The following LRRTM4 variants were observed in gnomAD, a reference collection of about 807,000 sequenced individuals.
The protein encoded by LRRTM4 is leucine rich repeat transmembrane neuronal 4.
Under a neutral mutation model 47.6 loss-of-function variants are expected in LRRTM4, and 25 were observed. The observed-to-expected ratio is 0.53, with a 90% CI of 0.38 to 0.73. LRRTM4 has a LOEUF of 0.73. Ranked by LOEUF, LRRTM4 falls within the 30% of genes least tolerant of loss-of-function variation. LRRTM4 has a pLI of 0.00. For missense variants in LRRTM4, 638 were observed against 713.4 expected (o/e 0.89, Z 1.20); for synonymous variants, 311 against 269.5 (o/e 1.15, Z -1.51).
intron 3 of LRRTM4, among the ~76,000 whole-genome samples, chr2:76,758,068 T>C (rs756687639): frequency 3.3e-5 from 5 of 152,176 alleles, no homozygotes; most frequent in Non-Finnish European, 7.4e-5. Context: ...TATGAATTTG[T>C]GTAGTCTTCA....
At chr2:77,004,355 G>T (rs1319280780) in intron 3 of LRRTM4, among the ~76,000 whole-genome samples, 1 of 152,192 alleles carries the variant, frequency 6.6e-6, no homozygotes, top group Non-Finnish European at 1.5e-5. Context: ...TCTAGTCATG[G>T]CTAAAAGAGA....
chr2:76,936,276 A>T (rs1218754885), intron 3 of LRRTM4, among the ~76,000 whole-genome samples: 4 of 152,150 alleles, frequency 2.6e-5, no homozygotes, highest in Non-Finnish European at 5.9e-5. Flanking sequence ...GGACAAGTTC[A>T]TGGCCTTTTC....
At chr2:76,905,405 CAG>C (rs1673793242) in intron 3 of LRRTM4, among the ~76,000 whole-genome samples, 1 of 152,150 alleles carries the variant, frequency 6.6e-6, no homozygotes, top group South Asian at 2.1e-4. Context: ...GGGGAAAAAA[CAG>C]AGCAGAAATA....
intron 3 of LRRTM4, among the ~76,000 whole-genome samples, chr2:77,126,345 T>C (rs1671652297): frequency 6.6e-6 from 1 of 152,136 alleles, no homozygotes; most frequent in African/African-American, 2.4e-5. Flanking sequence ...TAAAGAAATA[T>C]ATACAGGAAT....
chr2:77,250,873 G>A (rs1431235823), intron 3 of LRRTM4, among the ~76,000 whole-genome samples: 1 of 152,134 alleles, frequency 6.6e-6, no homozygotes, highest in African/African-American at 2.4e-5. Flanking sequence ...GGAGGCTGAG[G>A]AGGGCAGATC....
In LRRTM4 at chr2:77,520,000, G is replaced by A. The variant is rs543050255; in HGVS notation, c.5-136C>T. 4.7e-5 allele frequency: 65 copies of A among 1,376,380 alleles called. 1 individual carries two copies. The African/African-American group carries it at 7.6e-4, about 16-fold the overall frequency. 85.3% of individuals were successfully genotyped at this position (1,376,380 alleles called of 1,614,324 possible). A position where few individuals can be genotyped will look rare whatever the true frequency, so the allele number is the denominator to read the frequency against. ...TTTAAGGAAAATGCATTAACATTTCGAGCATTATTTTCTTCAGTGTTGCAT... is the reference window on the plus strand; with the variant it reads ...TTTAAGGAAAATGCATTAACATTTCAAGCATTATTTTCTTCAGTGTTGCAT... On this transcript the variant is annotated intron_variant, in intron 2 of 3. Coordinates refer to ENST00000409884, the MANE Select transcript of LRRTM4 (RefSeq NM_001134745.3). This position sits in a 1 kb window ranked among gnomAD's most constrained non-coding sequence, Gnocchi z 4.6.
intron 3 of LRRTM4, among the ~76,000 whole-genome samples, chr2:76,947,366 A>G (rs1675355759): frequency 6.6e-6 from 1 of 151,910 alleles, no homozygotes; most frequent in Non-Finnish European, 1.5e-5. Flanking sequence ...TTCTCTAGAA[A>G]AACAAAGACA....
At chr2:76,861,487 A>G (rs1672311181) in intron 3 of LRRTM4, among the ~76,000 whole-genome samples, 1 of 152,074 alleles carries the variant, frequency 6.6e-6, no homozygotes, top group Non-Finnish European at 1.5e-5. Context: ...TTTCTTGCAG[A>G]GGTCTATTGT....
At chr2:76,912,294 G>A (rs1486735350) in intron 3 of LRRTM4, among the ~76,000 whole-genome samples, 2 of 152,020 alleles carry the variant, frequency 1.3e-5, no homozygotes, top group African/African-American at 2.4e-5. Context: ...ACCTGTTTTC[G>A]TTACCAAGAC....
intron 3 of LRRTM4, among the ~76,000 whole-genome samples, chr2:76,810,506 T>C (rs1558669523): frequency 1.3e-5 from 2 of 152,190 alleles, no homozygotes; most frequent in Admixed American, 6.5e-5. Flanking sequence ...TTAGCTATTA[T>C]TGATAAAATT....
chr2:77,130,290 A>G (rs1223797677), intron 3 of LRRTM4, among the ~76,000 whole-genome samples: 4 of 152,164 alleles, frequency 2.6e-5, no homozygotes, highest in African/African-American at 4.8e-5. Flanking sequence ...GCATTACTCA[A>G]TTGTTCAGGT....
rs191322275 is a variant in LRRTM4 at position 76,824,864 on chromosome 2, A to G, written c.1552-75948T>C. On this transcript the variant is annotated intron_variant, in intron 3 of 3. Transcript: ENST00000409884. ...AAAGCACAGGATGGAACTCTTTTCA[A>G]TTAGAGAAGCAATGGGAACAAAAGT... Among the ~76,000 whole-genome samples, 65 of 151,758 alleles carry G rather than the reference A, an allele frequency of 4.3e-4. No individual in the cohort carries two copies. In the East Asian group the frequency reaches 4.7e-3, roughly 11 times the overall value.
At chr2:76,819,512 A>G (rs1164236258) in intron 3 of LRRTM4, among the ~76,000 whole-genome samples, 1 of 151,862 alleles carries the variant, frequency 6.6e-6, no homozygotes, top group Non-Finnish European at 1.5e-5. Context: ...CCATATCTTA[A>G]CATGCTGTTG....
chr2:76,906,206 A>C (rs1673832758), intron 3 of LRRTM4, among the ~76,000 whole-genome samples: 1 of 151,148 alleles, frequency 6.6e-6, no homozygotes, highest in Non-Finnish European at 1.5e-5. Context: ...ATTCTTAAAG[A>C]AAAGAATTTT....
intron 3 of LRRTM4, among the ~76,000 whole-genome samples, chr2:77,489,835 G>T (rs1365161377): frequency 6.6e-6 from 1 of 152,152 alleles, no homozygotes; most frequent in African/African-American, 2.4e-5. Context: ...CAGATGTGGA[G>T]AACTTTGTGT....
At chr2:77,266,520 T>C (rs1024422857) in intron 3 of LRRTM4, among the ~76,000 whole-genome samples, 5 of 152,004 alleles carry the variant, frequency 3.3e-5, no homozygotes, top group African/African-American at 1.2e-4. Flanking sequence ...AACTGATGTT[T>C]TGGGGAAAAA....
intron 3 of LRRTM4, among the ~76,000 whole-genome samples, chr2:77,500,638 T>A (rs1678539481): frequency 6.6e-6 from 1 of 151,658 alleles, no homozygotes; most frequent in Non-Finnish European, 1.5e-5. Flanking sequence ...CATAAGTAAG[T>A]AGAGCCTTAT....
At chr2:77,382,361 C>T (rs1673087525) in intron 3 of LRRTM4, among the ~76,000 whole-genome samples, 1 of 152,068 alleles carries the variant, frequency 6.6e-6, no homozygotes, top group African/African-American at 2.4e-5. Flanking sequence ...CGCTTGTCAA[C>T]ATCAGATAGC....
chr2:76,836,451 A>G (rs1367236329), intron 3 of LRRTM4, among the ~76,000 whole-genome samples: 2 of 151,566 alleles, frequency 1.3e-5, no homozygotes, highest in Non-Finnish European at 2.9e-5. Context: ...ATTTTTTCAC[A>G]CTTTCCTGTG....
Sources: gnomAD v4.1 joint callset for allele counts (sites outside exome capture counted in the v4.1 genomes callset) on GRCh38, gnomAD v4.1.1 for gene constraint, Gnocchi (gnomAD v3.1) non-coding constraint, MANE v1.5 for transcripts, NCBI Gene and HGNC (gene_info 2026-07-23, HGNC 2026-07-21) for gene names.